GREB1L: variants seen among roughly 807,000 people sequenced by gnomAD.
GREB1L encodes GREB1 like retinoic acid receptor coactivator, also known as GREB1-like protein.
A neutral mutation model predicts 200.8 loss-of-function variants in GREB1L; 17 were observed. The ratio of observed to expected loss-of-function variants is 0.08; its 90% confidence interval spans 0.06 to 0.13. GREB1L has a LOEUF of 0.13. Ranked by LOEUF, GREB1L falls within the 10% of genes least tolerant of loss-of-function variation. The probability of loss-of-function intolerance (pLI) is 1.00; values close to 1 mark genes in which losing one functional copy is unlikely to be tolerated. For synonymous variants in GREB1L, 789 were observed against 893.0 expected (o/e 0.88, Z 2.08); for missense variants, 1,657 against 2,367.7 (o/e 0.70, Z 6.23).
At position 21,403,927 on chromosome 18, in the gene GREB1L, A is replaced by C. The variant is rs373691186; in HGVS notation, c.765A>C (p.Ser255=). The part of the protein sequence containing the change: ...ASCHSIKPSS[S]VSSTVTPENG... The stretch of plus-strand genomic sequence containing the variant: ...GCCACTCTATTAAGCCAAGCTCTTC[A>C]GTGTCGTCAACTGTGACCCCAGAAA... Residue 255 remains serine (S), a synonymous_variant, in exon 7 of 33, where the codon TCA becomes TCC. Transcript: ENST00000424526. 1 of 1,551,006 alleles carries C rather than the reference A, an allele frequency of 6.4e-7. No individual in the cohort carries two copies. Among genetic ancestry groups the C allele is most frequent in the African/African-American group, 1.4e-5 (1 of 73,032 alleles).
rs1302279075 is a variant in GREB1L, at chr18:21,472,307, A to G, written c.2183-724A>G. ...TTTCTTCTTTTAATCAATTATCTCA[A>G]CAACAGTTTTATGTGCCTAGAACTA... On this transcript the variant is annotated intron_variant, in intron 15 of 32. Transcript: ENST00000424526. Among the ~76,000 whole-genome samples the G allele has an allele frequency of 2.0e-5, 3 of 152,340 alleles. No homozygotes were observed. In the East Asian group the frequency reaches 5.8e-4, roughly 29 times the overall value.
At chr18:21,338,859 T>C (rs1158181855) in intron 1 of GREB1L, among the ~76,000 whole-genome samples, 1 of 152,220 alleles carries the variant, frequency 6.6e-6, no homozygotes, top group African/African-American at 2.4e-5. Context: ...ATCATGTCCG[T>C]GGATCAAAAA....
At chr18:21,285,695 T>G (rs2038343860) in intron 1 of GREB1L, among the ~76,000 whole-genome samples, 1 of 152,258 alleles carries the variant, frequency 6.6e-6, no homozygotes, top group Admixed American at 6.5e-5. Context: ...TAAAGCATCT[T>G]ATTAAAATAG....
At chr18:21,277,378 G>T (rs1375954590) in intron 1 of GREB1L, among the ~76,000 whole-genome samples, 1 of 152,154 alleles carries the variant, frequency 6.6e-6, no homozygotes, top group African/African-American at 2.4e-5. Context: ...GGATTCTTTG[G>T]CGCTTATGAT....
intron 5 of GREB1L, 72 bp downstream of exon 5, chr18:21,395,633 G>A: frequency 9.0e-7 from 1 of 1,112,894 alleles, no homozygotes; most frequent in Non-Finnish European, 1.3e-6. Context: ...TAAAACTACT[G>A]CAGAATTTTA....
intron 20 of GREB1L, among the ~76,000 whole-genome samples, chr18:21,496,224 C>G (rs1217218381): frequency 6.6e-6 from 1 of 152,128 alleles, no homozygotes; most frequent in Non-Finnish European, 1.5e-5. Context: ...TTAAAACAAC[C>G]ATATGAGCCC....
intron 15 of GREB1L, among the ~76,000 whole-genome samples, chr18:21,467,775 A>G (rs921513442): frequency 3.7e-4 from 57 of 152,206 alleles, no homozygotes; most frequent in African/African-American, 1.3e-3. Context: ...CTGTAATCCC[A>G]GCACTTTGGG....
In GREB1L at chr18:21,523,586, G is replaced by A. The variant is rs2037637995; in HGVS notation, c.*765G>A. The A allele has an allele frequency of 6.6e-6, 1 of 152,200 alleles. No homozygotes were observed. 9.4% of individuals were successfully genotyped at this position (152,200 alleles called of 1,614,324 possible). On this transcript the variant is annotated 3_prime_UTR_variant, in exon 33 of 33. Coordinates refer to ENST00000424526, the MANE Select transcript of GREB1L (RefSeq NM_001142966.3). Reference sequence around the variant, plus strand: ...AAGAATATCTTATCTATGAGACTATGGAACAGTGATTAATCTTTTGCAAGA... The same window carrying A: ...AAGAATATCTTATCTATGAGACTATAGAACAGTGATTAATCTTTTGCAAGA...
intron 1 of GREB1L, among the ~76,000 whole-genome samples, chr18:21,339,734 T>G (rs1483402515): frequency 6.6e-6 from 1 of 152,238 alleles, no homozygotes; most frequent in African/African-American, 2.4e-5. Context: ...TAGACATTGG[T>G]TATGTCTAAT....
At chr18:21,363,273 T>TCCCCC in intron 1 of GREB1L, among the ~76,000 whole-genome samples, 1 of 4,762 alleles carries the variant, frequency 2.1e-4, no homozygotes. Flanking sequence ...CTGCCCCCAC[T>TCCCCC]CCGCCTCCCC....
chr18:21,357,408 G>A (rs566493376), intron 1 of GREB1L, among the ~76,000 whole-genome samples: 2 of 152,306 alleles, frequency 1.3e-5, no homozygotes, highest in South Asian at 4.1e-4. Context: ...TGGTTTGCAA[G>A]CATTTTCTCC....
chr18:21,480,721 AGAAAACTGATGG>A (rs1451881704), intron 17 of GREB1L, among the ~76,000 whole-genome samples: 2 of 152,206 alleles, frequency 1.3e-5, no homozygotes, highest in Non-Finnish European at 2.9e-5. Context: ...AAGAACACAC[AGAAAACTGATGG>A]TTTAGGCCAA....
intron 1 of GREB1L, among the ~76,000 whole-genome samples, chr18:21,290,852 C>T (rs1444146481): frequency 4.7e-5 from 7 of 149,902 alleles, no homozygotes; most frequent in African/African-American, 1.7e-4. Context: ...AAAAGATAGA[C>T]CATCTCAAGT....
chr18:21,496,832 G>A (rs1651056660), intron 21 of GREB1L, 134 bp downstream of exon 21: 1 of 935,954 alleles, frequency 1.1e-6, no homozygotes, highest in South Asian at 1.8e-5. Context: ...ATCCTCTCCA[G>A]ACCCAGCTCC....
chr18:21,341,234 A>G (rs1370462480), intron 1 of GREB1L, among the ~76,000 whole-genome samples: 1 of 152,198 alleles, frequency 6.6e-6, no homozygotes, highest in Admixed American at 6.5e-5. Context: ...AATTTGTACT[A>G]GTCACTGACT....
intron 2 of GREB1L, among the ~76,000 whole-genome samples, chr18:21,367,484 G>C (rs1210992946): frequency 2.6e-5 from 4 of 152,144 alleles, no homozygotes; most frequent in African/African-American, 7.2e-5. Flanking sequence ...GAGGGTGGAC[G>C]GGGAGAGGTA....
At chr18:21,263,227 C>T (rs2037916754) in intron 1 of GREB1L, among the ~76,000 whole-genome samples, 1 of 152,174 alleles carries the variant, frequency 6.6e-6, no homozygotes, top group African/African-American at 2.4e-5. Context: ...ATAAGAACTC[C>T]ATTGATGACT....
At chr18:21,519,746 T>C (rs1469193332) in intron 31 of GREB1L, among the ~76,000 whole-genome samples, 2 of 152,200 alleles carry the variant, frequency 1.3e-5, no homozygotes, top group African/African-American at 2.4e-5. Context: ...AGACTGTTCA[T>C]TGTTCCATGG....
chr18:21,521,341 A>C (rs1032871223), intron 32 of GREB1L, among the ~76,000 whole-genome samples: 3 of 151,812 alleles, frequency 2.0e-5, no homozygotes, highest in African/African-American at 7.3e-5. Context: ...ATTGCACTCC[A>C]GCCTGGGCAA....
Sources: gnomAD v4.1 joint callset for allele counts (sites outside exome capture counted in the v4.1 genomes callset) on GRCh38, gnomAD v4.1.1 for gene constraint, MANE v1.5 for transcripts, NCBI Gene and HGNC (gene_info 2026-07-23, HGNC 2026-07-21) for gene names.